The following USPL1 variants were observed in gnomAD, a reference collection of about 807,000 sequenced individuals.
USPL1 encodes SUMO-specific isopeptidase USPL1.
A neutral mutation model predicts 51.5 loss-of-function variants in USPL1; 27 were observed. That is an observed-to-expected ratio of 0.52 (90% CI 0.39 to 0.72). The LOEUF (loss-of-function observed/expected upper bound fraction) is 0.72, where lower values mean the gene tolerates loss of function less well. Ranked by LOEUF, USPL1 falls within the 30% of genes least tolerant of loss-of-function variation. USPL1 has a pLI of 0.00. For synonymous variants in USPL1, 451 were observed against 459.6 expected (o/e 0.98, Z 0.24); for missense variants, 1,226 against 1,268.0 (o/e 0.97, Z 0.50).
chr13:30,642,480 C>T, intron 5 of USPL1, 148 bp from the exon 6 acceptor site: 1 of 871,822 alleles, frequency 1.1e-6, no homozygotes. Flanking sequence ...AACTTCCCCT[C>T]TCCCAACTCT....
chr13:30,644,894 A>G (rs182683331), intron 6 of USPL1, among the ~76,000 whole-genome samples: 35 of 152,344 alleles, frequency 2.3e-4, no homozygotes, highest in Admixed American at 1.6e-3. Flanking sequence ...TAGGACTTAA[A>G]TAATTTAGTG....
Position 30,659,240 on chromosome 13 carries a change from A to G in USPL1, c.3163A>G (p.Ser1055Gly). The change falls in exon 9 of 9, where the codon AGT becomes GGT. Residue 1055 changes from serine to glycine, a missense_variant. Transcript: ENST00000255304. ...CTGCGTTAGAACATTAAACTTGGAGAGTCCGATGAAGACTGATATTTTCGA... is the reference window on the plus strand; with the variant it reads ...CTGCGTTAGAACATTAAACTTGGAGGGTCCGATGAAGACTGATATTTTCGA... ...NACVRTLNLE[S>G]PMKTDIFDEF... 1.9e-6 allele frequency: 3 copies of G among 1,614,152 alleles called. No homozygotes were observed. The highest frequency in any genetic ancestry group is 2.5e-6 in the Non-Finnish European group (3 of 1,180,022).
At chr13:30,648,301 A>G (rs920611744) in intron 7 of USPL1, among the ~76,000 whole-genome samples, 12 of 152,162 alleles carry the variant, frequency 7.9e-5, no homozygotes, top group African/African-American at 1.7e-4. Context: ...TAAATTTTCA[A>G]TACTCAGATG....
chr13:30,653,358 A>G, intron 8 of USPL1, 53 bp downstream of exon 8: 1 of 1,467,258 alleles, frequency 6.8e-7, no homozygotes, highest in Non-Finnish European at 9.1e-7. Context: ...ACTAAATTCT[A>G]GCATGTGGGG....
Position 30,658,399 on chromosome 13 carries a change from T to C in USPL1, c.2322T>C (p.Cys774=). 1 of 1,613,760 alleles carries C rather than the reference T, an allele frequency of 6.2e-7. No homozygotes were observed. The highest frequency in any genetic ancestry group is 8.5e-7 in the Non-Finnish European group (1 of 1,180,034). ...ISRGASFMPL[C]VSAHNRNTIT... ...GGGGTGCTTCTTTTATGCCACTCTG[T>C]GTTTCAGCTCATAATAGAAACACTA... Residue 774 remains cysteine (C), a synonymous_variant, in exon 9 of 9, where the codon TGT becomes TGC. Transcript: ENST00000255304.
intron 3 of USPL1, among the ~76,000 whole-genome samples, chr13:30,627,485 C>G (rs1389447730): frequency 6.7e-6 from 1 of 150,258 alleles, no homozygotes; most frequent in African/African-American, 2.4e-5. Flanking sequence ...CTAAGTTTTG[C>G]AGTCCCGGGG....
rs780384306 is a variant in USPL1, at chr13:30,621,757, C to G, written c.100-7C>G. 6.8e-7 allele frequency: 1 copy of G among 1,474,310 alleles called. No homozygotes were observed. Among genetic ancestry groups the G allele is most frequent in the South Asian group, 1.5e-5 (1 of 66,464 alleles). The allele number at this position is 1,474,310 out of a possible 1,614,324, so 91.3% of individuals were successfully genotyped here. A position where few individuals can be genotyped will look rare whatever the true frequency, so the allele number is the denominator to read the frequency against. The stretch of plus-strand genomic sequence containing the variant: ...CTATATTTTAATTTGCTTTATTTCT[C>G]TTTTAGAATTTTGATTCAGCTAAAG... On this transcript the variant is annotated splice_region_variant and splice_polypyrimidine_tract_variant and intron_variant, in intron 2 of 8. Coordinates refer to ENST00000255304, the MANE Select transcript of USPL1 (RefSeq NM_005800.5).
chr13:30,632,671 C>G (rs909768986), intron 4 of USPL1, among the ~76,000 whole-genome samples: 4 of 152,164 alleles, frequency 2.6e-5, no homozygotes, highest in African/African-American at 9.6e-5. Context: ...CTTGGCCTCC[C>G]AAAGTGCTGA....
chr13:30,639,238 ATATATATGTGTG>A (rs1361890298), intron 5 of USPL1, among the ~76,000 whole-genome samples: 74 of 150,824 alleles, frequency 4.9e-4, no homozygotes, highest in Non-Finnish European at 7.8e-4. Flanking sequence ...ATATATATAT[ATATATATGTGTG>A]TATGTGTGTG....
Position 30,657,935 on chromosome 13 carries a change from C to A in USPL1, c.1858C>A (p.Leu620Ile). ...NKPVAENTGILKTNTLLSQES... is the reference protein window; with the variant it reads ...NKPVAENTGIIKTNTLLSQES... ...ACCTGTAGCAGAAAATACAGGAATT[C>A]TCAAAACCAATACTTTGCTATCACA... Residue 620 changes from leucine to isoleucine, a missense_variant, in exon 9 of 9, where the codon CTC (leucine) becomes ATC (isoleucine). Coordinates refer to ENST00000255304, the MANE Select transcript of USPL1 (RefSeq NM_005800.5). 1 of 1,613,770 alleles carries A rather than the reference C, an allele frequency of 6.2e-7. No individual in the cohort carries two copies. The highest frequency in any genetic ancestry group is 8.5e-7 in the Non-Finnish European group (1 of 1,180,028).
chr13:30,632,458 G>C (rs1950820509), intron 4 of USPL1, among the ~76,000 whole-genome samples: 1 of 136,604 alleles, frequency 7.3e-6, no homozygotes. Context: ...CTGTTGCCCA[G>C]GCTGGAGTGC....
At chr13:30,645,108 G>T (rs1032938369) in intron 6 of USPL1, among the ~76,000 whole-genome samples, 1 of 152,146 alleles carries the variant, frequency 6.6e-6, no homozygotes, top group African/African-American at 2.4e-5. Flanking sequence ...ACACACTTAG[G>T]CTCTTCTGGC....
rs1387295611 is a variant in USPL1, at chr13:30,658,697, T to C, written c.2620T>C (p.Ser874Pro). Residue 874 changes from serine to proline, a missense_variant, in exon 9 of 9, where the codon TCA (serine) becomes CCA (proline). Ser to Pro is a moderately conservative substitution (Grantham distance 74). Transcript: ENST00000255304. ...CAGTTCTTATGGGAATGGTATTTCT[T>C]CAGCAAACCATGAAGACTTGGTGGA... is the stretch of plus-strand genomic sequence containing the variant. Reference protein sequence around the residue: ...NHSSYGNGISSANHEDLVEGQ... With the variant: ...NHSSYGNGISPANHEDLVEGQ... 6.2e-7 allele frequency: 1 copy of C among 1,614,106 alleles called. No homozygotes were observed. The highest frequency in any genetic ancestry group is 8.5e-7 in the Non-Finnish European group (1 of 1,180,052).
In USPL1 at chr13:30,629,486, CA is replaced by C. The variant is rs1048463205; in HGVS notation, c.229-1340del. 1.5e-3 allele frequency among the ~76,000 whole-genome samples: 227 copies of C among 151,394 alleles called. 2 individuals are homozygous for C. Among genetic ancestry groups the C allele is most frequent in the African/African-American group, 5.4e-3 (223 of 41,308 alleles). Reference sequence around the variant, plus strand: ...TGGATAACAGAGCCAGACCCTGTCTCAAAAAAAAATTTTAATGGCTCCATTT... The same window carrying C: ...TGGATAACAGAGCCAGACCCTGTCTCAAAAAAAATTTTAATGGCTCCATTT... On this transcript the variant is annotated intron_variant, in intron 3 of 8. Coordinates refer to ENST00000255304, the MANE Select transcript of USPL1 (RefSeq NM_005800.5).
chr13:30,632,008 C>T (rs1460089396), intron 4 of USPL1, among the ~76,000 whole-genome samples: 1 of 151,412 alleles, frequency 6.6e-6, no homozygotes. Context: ...GGTACATGTG[C>T]AGAACGTGCA....
Position 30,659,146 on chromosome 13 carries a change from C to T in USPL1, c.3069C>T (p.Asp1023=), listed in dbSNP as rs758170105. 4.0e-5 allele frequency: 65 copies of T among 1,613,946 alleles called. No individual in the cohort carries two copies. The highest frequency in any genetic ancestry group is 5.5e-5 in the Non-Finnish European group (65 of 1,180,010). The change falls in exon 9 of 9, where the codon GAC becomes GAT. Residue 1023 remains aspartate (D), a synonymous_variant. Transcript: ENST00000255304. ...DVSQNTHLRQ[D]HNYCSPTKKN... ...CCCAGAACACACATCTGAGACAGGACCATAATTATTGTAGCCCCACCAAGA... is the reference window on the plus strand; with the variant it reads ...CCCAGAACACACATCTGAGACAGGATCATAATTATTGTAGCCCCACCAAGA...
At chr13:30,633,784 CAAAAAA>C (rs61682331) in intron 4 of USPL1, among the ~76,000 whole-genome samples, 24 of 41,260 alleles carry the variant, frequency 5.8e-4, no homozygotes, top group African/African-American at 2.1e-3. Context: ...GACTCTGTCT[CAAAAAA>C]AAAAAAAAAA....
At position 30,650,684 on chromosome 13, in the gene USPL1, C is replaced by A. The variant is rs1166961249; in HGVS notation, c.1239-2464C>A. On this transcript the variant is annotated intron_variant, in intron 7 of 8. Transcript: ENST00000255304. ...AACAAATGGGAAAAAATTTGGAATT[C>A]ATTAGGCATTTGGAACTTACAAAGT... Among the ~76,000 whole-genome samples the A allele has an allele frequency of 2.0e-5, 3 of 151,226 alleles. No individual in the cohort carries two copies. In the East Asian group the frequency reaches 5.9e-4, roughly 30 times the overall value.
intron 8 of USPL1, 95 bp downstream of exon 8, chr13:30,653,400 A>C: frequency 1.5e-6 from 2 of 1,291,922 alleles, no homozygotes; most frequent in Non-Finnish European, 2.1e-6. Flanking sequence ...AAAAAAAGAC[A>C]AACTTTGTCC....
Sources: gnomAD v4.1 joint callset for allele counts (sites outside exome capture counted in the v4.1 genomes callset) on GRCh38, gnomAD v4.1.1 for gene constraint, MANE v1.5 for transcripts, NCBI Gene and HGNC (gene_info 2026-07-23, HGNC 2026-07-21) for gene names.